The following ADGRL3 variants were observed in gnomAD, a reference collection of about 807,000 sequenced individuals.
The protein encoded by ADGRL3 is adhesion G protein-coupled receptor L3.
A neutral mutation model predicts 153.5 loss-of-function variants in ADGRL3; 62 were observed. The ratio of observed to expected loss-of-function variants is 0.40; its 90% CI spans 0.33 to 0.50. The LOEUF (loss-of-function observed/expected upper bound fraction) is 0.50, where lower values mean the gene tolerates loss of function less well. Ranked by LOEUF, ADGRL3 falls within the 20% of genes least tolerant of loss-of-function variation. The pLI is 0.47. For missense variants in ADGRL3, 1,641 were observed against 1,859.4 expected, an observed-to-expected ratio of 0.88 and a Z score of 2.16; for synonymous variants, 710 against 672.5, an observed-to-expected ratio of 1.06 and a Z score of -0.86.
At chr4:61,478,787 C>A (rs1007032090) in intron 2 of ADGRL3, among the ~76,000 whole-genome samples, 1 of 151,906 alleles carries the variant, frequency 6.6e-6, no homozygotes, top group Non-Finnish European at 1.5e-5. Context: ...GCTTTCCTAT[C>A]AAAAAAATTT....
rs1188967130 is a variant in ADGRL3 at position 62,075,795 on chromosome 4, C to A, written c.*4887C>A. The stretch of plus-strand genomic sequence containing the variant: ...CTTTTCTGAGCTCATAAAATATATT[C>A]AATGGATCCCAACATTAAATTTAAC... On this transcript the variant is annotated 3_prime_UTR_variant, in exon 27 of 27. Coordinates refer to ENST00000683033, the MANE Select transcript of ADGRL3 (RefSeq NM_001387552.1). 1 of 152,106 alleles carries A rather than the reference C, an allele frequency of 6.6e-6. No homozygotes were observed. Among genetic ancestry groups the A allele is most frequent in the East Asian group, 1.9e-4 (1 of 5,196 alleles). 9.4% of individuals were successfully genotyped at this position (152,106 alleles called of 1,614,324 possible).
At chr4:61,811,856 T>C (rs1180697935) in intron 8 of ADGRL3, among the ~76,000 whole-genome samples, 1 of 152,152 alleles carries the variant, frequency 6.6e-6, no homozygotes, top group Admixed American at 6.6e-5. Flanking sequence ...TATGAGTGTT[T>C]TGTGGTTATT....
intron 2 of ADGRL3, among the ~76,000 whole-genome samples, chr4:61,445,452 T>C (rs2097571747): frequency 6.6e-6 from 1 of 152,230 alleles, no homozygotes; most frequent in African/African-American, 2.4e-5. Flanking sequence ...GTGTGTTCAC[T>C]GTTTAACTTG....
intron 4 of ADGRL3, among the ~76,000 whole-genome samples, chr4:61,560,677 A>G (rs947144629): frequency 5.3e-5 from 8 of 152,018 alleles, no homozygotes; most frequent in African/African-American, 1.9e-4. Flanking sequence ...CTTCCTTTAA[A>G]GAAATGGAGA....
At chr4:62,009,661 A>G (rs150737905) in intron 21 of ADGRL3, among the ~76,000 whole-genome samples, 198 of 152,262 alleles carry the variant, frequency 1.3e-3, no homozygotes, top group African/African-American at 4.6e-3. Context: ...AACCAAATAC[A>G]TGCCATTTTT....
At chr4:61,863,558 C>T (rs958269577) in intron 9 of ADGRL3, among the ~76,000 whole-genome samples, 4 of 152,148 alleles carry the variant, frequency 2.6e-5, no homozygotes, top group African/African-American at 9.7e-5. Context: ...CTTTCTCACT[C>T]ATTCCATTCC....
At chr4:61,309,006 A>G (rs17090427) in intron 1 of ADGRL3, among the ~76,000 whole-genome samples, 2,928 of 152,226 alleles carry the variant, frequency 0.019, 87 homozygotes, top group African/African-American at 0.064. Context: ...TTCTTCAATT[A>G]TATTTTTGCT....
chr4:61,813,906 A>G lies in ADGRL3; in HGVS notation c.1480+17A>G. On this transcript the variant is annotated intron_variant, in intron 9 of 26. Transcript: ENST00000683033. ...CTGTTAAAGGTGAGTTTTTCTTTATATGAAGAAAAAGTAACTCTGCTCATT... is the reference window on the plus strand; with the variant it reads ...CTGTTAAAGGTGAGTTTTTCTTTATGTGAAGAAAAAGTAACTCTGCTCATT... 6.2e-7 allele frequency: 1 copy of G among 1,611,442 alleles called. No homozygotes were observed. The highest frequency in any genetic ancestry group is 1.1e-5 in the South Asian group (1 of 90,824).
Position 61,559,511 on chromosome 4 carries a change from C to G in ADGRL3, c.260-27716C>G, listed in dbSNP as rs377192295. 7.2e-5 allele frequency among the ~76,000 whole-genome samples: 11 copies of G among 152,164 alleles called. No individual in the cohort carries two copies. The South Asian group carries it at 2.3e-3, about 32-fold the overall frequency. ...ATCGTGGCATTTTAGTATGATTAGC[C>G]TGAATTTGGCTCTTCCTTGTGCACT... On this transcript the variant is annotated intron_variant, in intron 4 of 26. Transcript: ENST00000683033.
At chr4:61,261,461 T>C (rs546136464) in intron 1 of ADGRL3, among the ~76,000 whole-genome samples, 3 of 152,194 alleles carry the variant, frequency 2.0e-5, no homozygotes, top group African/African-American at 7.2e-5. Context: ...ATCTGGGACT[T>C]TTTGGAATTT....
At chr4:61,947,419 A>G (rs1217137258) in intron 16 of ADGRL3, among the ~76,000 whole-genome samples, 1 of 152,186 alleles carries the variant, frequency 6.6e-6, no homozygotes, top group Non-Finnish European at 1.5e-5. Context: ...AAAACCACAG[A>G]TAATATTACA....
intron 17 of ADGRL3, among the ~76,000 whole-genome samples, chr4:61,958,377 G>GTTC (rs1553894040): frequency 0.022 from 3,285 of 148,164 alleles, 78 homozygotes; most frequent in East Asian, 0.099. Flanking sequence ...TGTTGTAAAG[G>GTTC]TTTCTTTCTT....
chr4:61,766,742 T>C (rs2096986154), intron 8 of ADGRL3, among the ~76,000 whole-genome samples: 1 of 151,658 alleles, frequency 6.6e-6, no homozygotes, highest in Admixed American at 6.6e-5. Context: ...GAAGAGAGGC[T>C]GGGATTAAGG....
chr4:61,473,209 T>G (rs1011412527), intron 2 of ADGRL3, among the ~76,000 whole-genome samples: 1 of 149,120 alleles, frequency 6.7e-6, no homozygotes, highest in Non-Finnish European at 1.5e-5. Context: ...TTGTATGTGT[T>G]TGTGTGTGTG....
At chr4:61,716,039 C>T (rs187817270) in intron 6 of ADGRL3, among the ~76,000 whole-genome samples, 52 of 150,610 alleles carry the variant, frequency 3.5e-4, no homozygotes, top group Admixed American at 2.9e-3. Context: ...CAATTACCAG[C>T]TTAAAAATAC....
intron 1 of ADGRL3, among the ~76,000 whole-genome samples, chr4:61,372,615 A>G (rs2096549006): frequency 6.6e-6 from 1 of 152,182 alleles, no homozygotes; most frequent in Non-Finnish European, 1.5e-5. Flanking sequence ...TGCTGGGAGA[A>G]CCACTGCTCT....
chr4:61,328,965 T>G (rs2150927321), intron 1 of ADGRL3, among the ~76,000 whole-genome samples: 1 of 152,282 alleles, frequency 6.6e-6, no homozygotes, highest in East Asian at 1.9e-4. Flanking sequence ...GAGACTTGAT[T>G]ACTATCTCTG....
chr4:62,000,211 TA>T (rs1189910026), intron 21 of ADGRL3, among the ~76,000 whole-genome samples: 2 of 151,738 alleles, frequency 1.3e-5, no homozygotes. Flanking sequence ...CACTATGTTA[TA>T]AATTAGCAAA....
intron 2 of ADGRL3, among the ~76,000 whole-genome samples, chr4:61,407,543 A>T (rs915163971): frequency 3.3e-5 from 5 of 152,128 alleles, no homozygotes; most frequent in Non-Finnish European, 5.9e-5. Context: ...TCCACAAAAA[A>T]CTGAGGAAAA....
Sources: gnomAD v4.1 joint callset for allele counts (sites outside exome capture counted in the v4.1 genomes callset) on GRCh38, gnomAD v4.1.1 for gene constraint, MANE v1.5 for transcripts, NCBI Gene and HGNC (gene_info 2026-07-23, HGNC 2026-07-21) for gene names.